The following PRKG1 variants were observed in gnomAD, a reference collection of about 807,000 sequenced individuals.
The protein encoded by PRKG1 is cGMP-dependent protein kinase 1.
Under a neutral mutation model 88.1 loss-of-function variants are expected in PRKG1, and 35 were observed. The observed-to-expected ratio is 0.40, with a 90% CI of 0.30 to 0.53. PRKG1 has a LOEUF of 0.53. Ranked by LOEUF, PRKG1 falls within the 20% of genes least tolerant of loss-of-function variation. The pLI is 0.59. For synonymous variants in PRKG1, 303 were observed against 292.5 expected (o/e 1.04, Z -0.37); for missense variants, 540 against 839.8 (o/e 0.64, Z 4.41).
At chr10:51,684,596 G>T (rs759339903) in intron 3 of PRKG1, among the ~76,000 whole-genome samples, 3 of 152,012 alleles carry the variant, frequency 2.0e-5, no homozygotes, top group African/African-American at 7.3e-5. Context: ...TTGGCCAGGC[G>T]CAGTGGCTCA....
rs545436130 is a variant in PRKG1, at chr10:51,645,867, A to G, written c.593-158718A>G. The stretch of plus-strand genomic sequence containing the variant: ...GAAGAAGAGTTGAATCTGGATATCC[A>G]CAACTAAGAAGATAGACAACTGAAG... On this transcript the variant is annotated intron_variant, in intron 3 of 17. Coordinates refer to ENST00000373980, the MANE Select transcript of PRKG1 (RefSeq NM_006258.4). Among the ~76,000 whole-genome samples the G allele has an allele frequency of 2.0e-5, 3 of 152,302 alleles. No individual in the cohort carries two copies. In the South Asian group the frequency reaches 6.2e-4, roughly 32 times the overall value.
intron 9 of PRKG1, among the ~76,000 whole-genome samples, chr10:52,186,150 C>T (rs763065633): frequency 2.6e-5 from 4 of 152,156 alleles, no homozygotes; most frequent in African/African-American, 9.7e-5. Context: ...TTAATTGGCT[C>T]ATGGTTCTGC....
At position 51,173,727 on chromosome 10, in the gene PRKG1, T is replaced by G. The variant is rs532255980; in HGVS notation, c.478+20397T>G. 7.7e-4 allele frequency among the ~76,000 whole-genome samples: 117 copies of G among 151,924 alleles called. 1 individual carries two copies. The highest frequency in any genetic ancestry group is 1.3e-3 in the Non-Finnish European group (87 of 67,786). ...TCCTCATACCAAATGTATTTCTTTC[T>G]AAAAAATACCCATCCATATCATAAA... On this transcript the variant is annotated intron_variant, in intron 2 of 17. Transcript: ENST00000373980.
intron 5 of PRKG1, among the ~76,000 whole-genome samples, chr10:52,019,732 A>T (rs943363666): frequency 3.3e-5 from 5 of 152,220 alleles, no homozygotes; most frequent in Non-Finnish European, 7.3e-5. Context: ...TAGCCATAAA[A>T]TTACCAAAAT....
At chr10:51,427,368 A>G (rs1838620358) in intron 2 of PRKG1, among the ~76,000 whole-genome samples, 1 of 152,228 alleles carries the variant, frequency 6.6e-6, no homozygotes, top group African/African-American at 2.4e-5. Flanking sequence ...CCCCTCATAC[A>G]CTAGCAAAGT....
In PRKG1 at chr10:50,991,257, C is replaced by G. The variant is rs1245890353; in HGVS notation, c.-122C>G. On this transcript the variant is annotated 5_prime_UTR_variant, in exon 1 of 18. Coordinates refer to the PRKG1 transcript ENST00000401604. The surrounding 1 kb of genome is among the most constrained non-coding windows in gnomAD (Gnocchi z 4.5). ...GGGCGCACTCCGCCGCGCTCGAGTA[C>G]TTAGCGCCCATTCACTCGCTCACCC... 4 of 1,381,734 alleles carry G rather than the reference C, an allele frequency of 2.9e-6. No individual in the cohort carries two copies. The highest frequency in any genetic ancestry group is 3.8e-6 in the Non-Finnish European group (4 of 1,047,210). The allele number at this position is 1,381,734 out of a possible 1,614,324, so 85.6% of individuals were successfully genotyped here.
chr10:51,126,513 A>T (rs1429924052), intron 1 of PRKG1, among the ~76,000 whole-genome samples: 4 of 144,994 alleles, frequency 2.8e-5, no homozygotes, highest in African/African-American at 5.0e-5. Flanking sequence ...ATAATTTATA[A>T]ATATATGAAT....
At chr10:52,269,014 C>A (rs1242965963) in intron 10 of PRKG1, among the ~76,000 whole-genome samples, 1 of 151,560 alleles carries the variant, frequency 6.6e-6, no homozygotes, top group Admixed American at 6.6e-5. Flanking sequence ...CAAGTCCAGA[C>A]CTGTGACTAT....
chr10:52,069,914 C>T (rs947626154), intron 7 of PRKG1, among the ~76,000 whole-genome samples: 9 of 151,442 alleles, frequency 5.9e-5, no homozygotes, highest in African/African-American at 9.7e-5. Flanking sequence ...GTCATTCCTT[C>T]GTTTAGAAGT....
chr10:51,495,708 A>G (rs1223241904), intron 3 of PRKG1, among the ~76,000 whole-genome samples: 1 of 152,240 alleles, frequency 6.6e-6, no homozygotes, highest in Admixed American at 6.5e-5. Context: ...GAAACTTAAA[A>G]CATTAATGCA....
chr10:51,025,149 G>A (rs558857735), intron 1 of PRKG1, among the ~76,000 whole-genome samples: 1 of 152,258 alleles, frequency 6.6e-6, no homozygotes, highest in South Asian at 2.1e-4. Flanking sequence ...TGTGCAGATA[G>A]TATACCTTTC....
chr10:51,892,399 T>A (rs1841743573), intron 4 of PRKG1, among the ~76,000 whole-genome samples: 1 of 152,160 alleles, frequency 6.6e-6, no homozygotes, highest in Admixed American at 6.6e-5. Context: ...TTCAAGACAG[T>A]CATAAACTAA....
At chr10:51,567,483 A>T (rs1039045870) in intron 3 of PRKG1, among the ~76,000 whole-genome samples, 2 of 152,088 alleles carry the variant, frequency 1.3e-5, no homozygotes, top group African/African-American at 4.8e-5. Context: ...ACCCAGTGGG[A>T]GTTTACTTGG....
chr10:51,141,345 C>T (rs1278018617), intron 1 of PRKG1, among the ~76,000 whole-genome samples: 6 of 152,158 alleles, frequency 3.9e-5, no homozygotes, highest in Non-Finnish European at 7.3e-5. Flanking sequence ...TTTTTGTCCT[C>T]CTGTCAGTGA....
intron 3 of PRKG1, among the ~76,000 whole-genome samples, chr10:51,554,094 T>C (rs1348648517): frequency 3.7e-5 from 5 of 136,380 alleles, no homozygotes; most frequent in African/African-American, 1.5e-4. Context: ...GATACGTGTA[T>C]ATATTATATG....
At chr10:51,978,466 A>T (rs1843907729) in intron 5 of PRKG1, among the ~76,000 whole-genome samples, 1 of 140,714 alleles carries the variant, frequency 7.1e-6, no homozygotes. Flanking sequence ...CTCCCTATGA[A>T]TTTTTAAACA....
intron 2 of PRKG1, among the ~76,000 whole-genome samples, chr10:51,242,366 A>G (rs1476145526): frequency 6.6e-6 from 1 of 152,198 alleles, no homozygotes; most frequent in East Asian, 1.9e-4. Flanking sequence ...CCAACACATA[A>G]CAGTTTCTCT....
chr10:51,128,694 C>T (rs1845492132), intron 1 of PRKG1, among the ~76,000 whole-genome samples: 1 of 152,062 alleles, frequency 6.6e-6, no homozygotes, highest in Non-Finnish European at 1.5e-5. Context: ...TAGAATCTTA[C>T]TTTTAATTGC....
intron 1 of PRKG1, among the ~76,000 whole-genome samples, chr10:51,014,016 G>A (rs1181480152): frequency 6.6e-6 from 1 of 152,192 alleles, no homozygotes; most frequent in Admixed American, 6.5e-5. Context: ...AAGTTTTGGA[G>A]CACAAGTGTC....
Sources: gnomAD v4.1 joint callset for allele counts (sites outside exome capture counted in the v4.1 genomes callset) on GRCh38, gnomAD v4.1.1 for gene constraint, Gnocchi (gnomAD v3.1) non-coding constraint, MANE v1.5 for transcripts, NCBI Gene and HGNC (gene_info 2026-07-23, HGNC 2026-07-21) for gene names.